The following CHAT variants were observed in gnomAD, a reference collection of about 807,000 sequenced individuals.
CHAT encodes the protein choline O-acetyltransferase, also known as acetyl CoA:choline O-acetyltransferase.
A neutral mutation model predicts 76.9 loss-of-function variants in CHAT; 61 were observed. That is an observed-to-expected ratio of 0.79 (90% CI 0.65 to 0.98). CHAT has a LOEUF of 0.98. Ranked by LOEUF, CHAT falls within the 50% of genes least tolerant of loss-of-function variation. CHAT has a pLI of 0.00. For missense variants in CHAT, 946 were observed against 986.9 expected, an observed-to-expected ratio of 0.96 and a Z score of 0.56; for synonymous variants, 407 against 397.4, an observed-to-expected ratio of 1.02 and a Z score of -0.29.
chr10:49,617,536 T>C (rs958161919), intron 2 of CHAT, among the ~76,000 whole-genome samples: 10 of 152,362 alleles, frequency 6.6e-5, no homozygotes, highest in Admixed American at 6.5e-4. Flanking sequence ...TTGAGATGTC[T>C]GAGCTGCGAT....
upstream of CHAT, among the ~76,000 whole-genome samples, chr10:49,609,666 G>T (rs923320544): frequency 6.6e-6 from 1 of 152,104 alleles, no homozygotes; most frequent in African/African-American, 2.4e-5. Context: ...GAGAAATTCT[G>T]CGGAGGGGCC....
At chr10:49,622,772 C>A (rs565715035) in intron 5 of CHAT, among the ~76,000 whole-genome samples, 7 of 152,100 alleles carry the variant, frequency 4.6e-5, no homozygotes, top group African/African-American at 7.2e-5. Context: ...GAGAGAGAGG[C>A]CCAAAGAAGC....
At position 49,616,602 on chromosome 10, in the gene CHAT, T is replaced by C. The variant is rs143723043; in HGVS notation, c.387T>C (p.Ser129=). 3.5e-5 allele frequency: 56 copies of C among 1,600,048 alleles called. No homozygotes were observed. The highest frequency in any genetic ancestry group is 4.8e-5 in the Non-Finnish European group (56 of 1,169,972). The change falls in exon 2 of 15, where the codon TCT becomes TCC. Residue 129 remains serine (S), a splice_region_variant and synonymous_variant. Coordinates refer to ENST00000337653, the MANE Select transcript of CHAT (RefSeq NM_020549.5). ...CAAAAACTCCCAGCAGTGAGGAGTC[T>C]GTGAGTGACTTTTGGAGCCCTCTCT... ...MAAKTPSSEE[S]GLPKLPVPPL... is the part of the protein sequence containing the mutation.
chr10:49,616,721 T>G, intron 2 of CHAT, 119 bp downstream of exon 2: 1 of 759,142 alleles, frequency 1.3e-6, no homozygotes, highest in Non-Finnish European at 2.3e-6. Context: ...CCCTGCCCTC[T>G]ACTGGCACAA....
At chr10:49,613,595 G>A (rs1157825001), upstream of CHAT, among the ~76,000 whole-genome samples, 1 of 152,162 alleles carries the variant, frequency 6.6e-6, no homozygotes, top group African/African-American at 2.4e-5. Flanking sequence ...GTCTGTCCTC[G>A]ATCTGCGAGT....
upstream of CHAT, chr10:49,612,619 C>A: frequency 2.3e-6 from 1 of 430,180 alleles, no homozygotes; most frequent in Non-Finnish European, 4.2e-6. Context: ...CTGTGTAGAG[C>A]CTGCATCTGT....
intron 2 of CHAT, among the ~76,000 whole-genome samples, chr10:49,618,698 C>T (rs1010542894): frequency 2.0e-5 from 3 of 152,166 alleles, no homozygotes; most frequent in Non-Finnish European, 2.9e-5. Context: ...CTGTGGTGAA[C>T]GCTGCTGGTG....
chr10:49,614,226 G>A lies in CHAT; in HGVS notation c.37G>A (p.Gly13Arg), dbSNP rs750228985. The change falls in exon 1 of 15, where the codon GGA (glycine) becomes AGA (arginine). Residue 13 changes from glycine (G) to arginine (R), a missense_variant. Gly to Arg is a moderately radical substitution (Grantham distance 125). Transcript: ENST00000337653. The part of the protein sequence containing the change: ...LRTAKKRGLG[G>R]GGKWKREEGG... The stretch of plus-strand genomic sequence containing the variant: ...GACAGCGAAGAAGAGGGGGCTTGGG[G>A]GAGGGGGGAAATGGAAGAGAGAGGA... The A allele has an allele frequency of 7.8e-6, 12 of 1,531,548 alleles. No individual in the cohort carries two copies. The highest frequency in any genetic ancestry group is 1.1e-5 in the Non-Finnish European group (12 of 1,133,104). 94.9% of individuals were successfully genotyped at this position (1,531,548 alleles called of 1,614,324 possible).
At chr10:49,627,857 G>T in intron 7 of CHAT, 72 bp downstream of exon 7, 1 of 1,524,812 alleles carries the variant, frequency 6.6e-7, no homozygotes, top group South Asian at 1.2e-5. Context: ...CTCCTCTAGG[G>T]TTGGGCCAGG....
At chr10:49,659,773 A>G (rs559408058) in intron 13 of CHAT, among the ~76,000 whole-genome samples, 6 of 151,840 alleles carry the variant, frequency 4.0e-5, no homozygotes, top group Non-Finnish European at 8.8e-5. Context: ...GAGGCAGGAG[A>G]ATCACATGAA....
rs1564475791 is a variant in CHAT, at chr10:49,625,592, T to C, written c.872T>C (p.Val291Ala). The change falls in exon 6 of 15, where the codon GTG becomes GCG. Residue 291 changes from valine (V) to alanine (A), a missense_variant. Physicochemically the swap from Val to Ala is moderately conservative, Grantham distance 64. Coordinates refer to ENST00000337653, the MANE Select transcript of CHAT (RefSeq NM_020549.5). ...RLPGHTQDTL[V>A]AQNSSIMPEP... ...CCCGGCCATACCCAGGACACGCTGG[T>C]GGCTCAGAACAGCAGCATCATGCCG... 13 of 1,607,716 alleles carry C rather than the reference T, an allele frequency of 8.1e-6. No individual in the cohort carries two copies. The highest frequency in any genetic ancestry group is 1.7e-5 in the Admixed American group (1 of 59,142).
intron 7 of CHAT, among the ~76,000 whole-genome samples, chr10:49,633,419 C>T (rs879259300): frequency 3.9e-5 from 6 of 152,088 alleles, no homozygotes; most frequent in Non-Finnish European, 7.4e-5. Flanking sequence ...CCCACTGAAC[C>T]GAGGAAGAGG....
In CHAT at chr10:49,614,160, G is replaced by C; in HGVS notation, c.-30G>C. The C allele has an allele frequency of 1.3e-6, 2 of 1,543,716 alleles. No individual in the cohort carries two copies. Among genetic ancestry groups the C allele is most frequent in the Non-Finnish European group, 1.7e-6 (2 of 1,145,730 alleles). On this transcript the variant is annotated 5_prime_UTR_variant, in exon 1 of 15. Transcript: ENST00000337653. ...GGGTAGATTCTGGGGGCCGGGAGCTGAGATCCCTGGGCGGGGAGCTGGGGA... is the reference window on the plus strand; with the variant it reads ...GGGTAGATTCTGGGGGCCGGGAGCTCAGATCCCTGGGCGGGGAGCTGGGGA...
At chr10:49,627,858 T>C (rs770624021) in intron 7 of CHAT, 73 bp downstream of exon 7, 3 of 1,522,362 alleles carry the variant, frequency 2.0e-6, no homozygotes, top group Non-Finnish European at 2.7e-6. Context: ...TCCTCTAGGG[T>C]TGGGCCAGGG....
At position 49,651,879 on chromosome 10, in the gene CHAT, C is replaced by T. The variant is rs187862179; in HGVS notation, c.1512-5C>T. On this transcript the variant is annotated splice_polypyrimidine_tract_variant and splice_region_variant and intron_variant, in intron 10 of 14. Coordinates refer to ENST00000337653, the MANE Select transcript of CHAT (RefSeq NM_020549.5). ...ATAAAAACATCTTTTCTTTTTCTTC[C>T]TCAGAATAGTAAAGAACCTTGACTT... The T allele has an allele frequency of 1.9e-6, 3 of 1,613,392 alleles. No homozygotes were observed. The highest frequency in any genetic ancestry group is 1.7e-5 in the Admixed American group (1 of 59,936).
In CHAT at chr10:49,665,150, C is replaced by A; in HGVS notation, c.*104C>A. ...CCCCAGCTTTCCACAGCTCCCTGTC[C>A]TCAGGGTCCAACTCACAGACCATAC... On this transcript the variant is annotated 3_prime_UTR_variant, in exon 15 of 15. Transcript: ENST00000337653. 2 of 1,265,518 alleles carry A rather than the reference C, an allele frequency of 1.6e-6. No individual in the cohort carries two copies. Among genetic ancestry groups the A allele is most frequent in the Non-Finnish European group, 1.1e-6 (1 of 873,478 alleles). 78.4% of individuals were successfully genotyped at this position (1,265,518 alleles called of 1,614,324 possible). A position where few individuals can be genotyped will look rare whatever the true frequency, so the allele number is the denominator to read the frequency against.
Position 49,665,112 on chromosome 10 carries a change from C to T in CHAT, c.*66C>T. ...AACAGCCAGACCCTGCAGATCCCCACTCCCGTCCCTTACCCCAGCTTTCCA... is the reference window on the plus strand; with the variant it reads ...AACAGCCAGACCCTGCAGATCCCCATTCCCGTCCCTTACCCCAGCTTTCCA... On this transcript the variant is annotated 3_prime_UTR_variant, in exon 15 of 15. Transcript: ENST00000337653. 6.4e-7 allele frequency: 1 copy of T among 1,567,364 alleles called. No homozygotes were observed. Among genetic ancestry groups the T allele is most frequent in the Admixed American group, 1.7e-5 (1 of 59,978 alleles).
upstream of CHAT, chr10:49,610,965 C>G: frequency 1.2e-6 from 2 of 1,611,220 alleles, no homozygotes; most frequent in Non-Finnish European, 1.7e-6. Context: ...CCCGGACTCC[C>G]GAGGTGTGGG....
chr10:49,615,153 G>C (rs1378226173), intron 1 of CHAT, among the ~76,000 whole-genome samples: 1 of 147,898 alleles, frequency 6.8e-6, no homozygotes, highest in Non-Finnish European at 1.5e-5. Context: ...AGTGTCTCCC[G>C]AATGGGGGGG....
Sources: gnomAD v4.1 joint callset for allele counts (sites outside exome capture counted in the v4.1 genomes callset) on GRCh38, gnomAD v4.1.1 for gene constraint, MANE v1.5 for transcripts, NCBI Gene and HGNC (gene_info 2026-07-23, HGNC 2026-07-21) for gene names.